Variants in BARD1 observed in about 807,000 individuals in gnomAD.
BARD1 encodes the protein BRCA1-associated RING domain protein 1.
BARD1 carries 73 observed loss-of-function variants against 77.0 expected under a neutral mutation model. The ratio of observed to expected loss-of-function variants is 0.95; its 90% confidence interval spans 0.79 to 1.15. BARD1 has a LOEUF of 1.15. Ranked by LOEUF, BARD1 falls within the 50% of genes most tolerant of loss-of-function variation. The pLI is 0.00. For synonymous variants in BARD1, 384 were observed against 338.0 expected (o/e 1.14, Z -1.49); for missense variants, 993 against 938.8 (o/e 1.06, Z -0.75).
rs201798163 is a variant in BARD1, at chr2:214,792,367, A to T, written c.294T>A (p.Asn98Lys). ...GTTGAATCATGCTGTCCAGTTGTCT[A>T]TTTATCTTCAAGTCTTGTATCCAGG... ...TPAWIQDLKI[N>K]RQLDSMIQLC... is the part of the protein sequence containing the mutation. The change falls in exon 3 of 11, where the codon AAT becomes AAA. Residue 98 changes from asparagine to lysine, a missense_variant. Transcript: ENST00000260947. 12 of 1,612,926 alleles carry T rather than the reference A, an allele frequency of 7.4e-6. No individual in the cohort carries two copies. The highest frequency in any genetic ancestry group is 7.6e-6 in the Non-Finnish European group (9 of 1,179,676).
rs544350921 is a variant in BARD1, at chr2:214,741,608, T to C, written c.1903+3459A>G. On this transcript the variant is annotated intron_variant, in intron 9 of 10. Transcript: ENST00000260947. ...GCCTGTGAGAAATTAGCACCCAGAC[T>C]AGGACTAAAGTAGAGTCTCCCTCAC... Among the ~76,000 whole-genome samples the C allele has an allele frequency of 1.1e-4, 16 of 152,298 alleles. No individual in the cohort carries two copies. In the East Asian group the frequency reaches 2.9e-3, roughly 28 times the overall value.
chr2:214,733,725 A>AATC (rs1387460706), intron 9 of BARD1, among the ~76,000 whole-genome samples: 1 of 152,186 alleles, frequency 6.6e-6, no homozygotes, highest in Non-Finnish European at 1.5e-5. Context: ...GTCAACAAGC[A>AATC]ATCCACTATC....
At chr2:214,747,950 T>C (rs1243893283) in intron 7 of BARD1, among the ~76,000 whole-genome samples, 2 of 152,128 alleles carry the variant, frequency 1.3e-5, no homozygotes, top group East Asian at 3.9e-4. Flanking sequence ...TACTCTTTGA[T>C]AATATTTAAA....
chr2:214,739,800 T>C (rs1353198441), intron 9 of BARD1, among the ~76,000 whole-genome samples: 2 of 152,166 alleles, frequency 1.3e-5, no homozygotes, highest in Non-Finnish European at 2.9e-5. Flanking sequence ...TTATTTATTT[T>C]TGACATTTTA....
chr2:214,766,990 A>C (rs74423599), intron 6 of BARD1, among the ~76,000 whole-genome samples: 2 of 152,014 alleles, frequency 1.3e-5, no homozygotes, highest in Non-Finnish European at 2.9e-5. Flanking sequence ...TCCACACTCA[A>C]GTAGACTCTG....
chr2:214,757,237 C>T (rs918480602), intron 6 of BARD1, among the ~76,000 whole-genome samples: 1 of 151,688 alleles, frequency 6.6e-6, no homozygotes, highest in Non-Finnish European at 1.5e-5. Flanking sequence ...AATTCAAAGG[C>T]TCTAATTTTT....
Position 214,781,358 on chromosome 2 carries a change from A to G in BARD1, c.516T>C (p.Asp172=). 6.2e-7 allele frequency: 1 copy of G among 1,613,752 alleles called. No individual in the cohort carries two copies. Among genetic ancestry groups the G allele is most frequent in the Non-Finnish European group, 8.5e-7 (1 of 1,179,918 alleles). ...SVQTQPAIKK[D]ASAQQDSYEF... is the part of the protein sequence containing the mutation. ...CATATGAGTCTTGCTGAGCACTTGCATCTTTTTTTATTGCAGGCTGGGTTT... is the reference window on the plus strand; with the variant it reads ...CATATGAGTCTTGCTGAGCACTTGCGTCTTTTTTTATTGCAGGCTGGGTTT... The change falls in exon 4 of 11, where the codon GAT becomes GAC. Residue 172 remains aspartate (D), a synonymous_variant. Coordinates refer to ENST00000260947, the MANE Select transcript of BARD1 (RefSeq NM_000465.4).
chr2:214,768,817 G>A (rs1260513645), intron 5 of BARD1, among the ~76,000 whole-genome samples: 5 of 152,224 alleles, frequency 3.3e-5, no homozygotes, highest in Admixed American at 6.5e-5. Context: ...TAGGGTATAA[G>A]TGAGGCTAAG....
chr2:214,756,395 G>A (rs1693694660), intron 6 of BARD1, among the ~76,000 whole-genome samples: 1 of 152,200 alleles, frequency 6.6e-6, no homozygotes, highest in Admixed American at 6.5e-5. Flanking sequence ...ATGTAAACTA[G>A]TACAACCACT....
chr2:214,770,367 G>T (rs1694424036), intron 4 of BARD1, among the ~76,000 whole-genome samples: 1 of 152,090 alleles, frequency 6.6e-6, no homozygotes. Context: ...CAGTACTCTG[G>T]AGAGCTATGC....
chr2:214,807,652 T>C (rs948124152), intron 1 of BARD1, among the ~76,000 whole-genome samples: 1 of 152,210 alleles, frequency 6.6e-6, no homozygotes, highest in African/African-American at 2.4e-5. Context: ...GTCTGGCACT[T>C]TATGGGTGCT....
rs1692180011 is a variant in BARD1, at chr2:214,728,534, A to G, written c.*142T>C. 7.5e-6 allele frequency: 5 copies of G among 668,760 alleles called. No individual in the cohort carries two copies. In the South Asian group the frequency reaches 1.0e-4, roughly 14 times the overall value. 41.4% of individuals were successfully genotyped at this position (668,760 alleles called of 1,614,324 possible). ...TAACATGAATTCCTAATCTGGCATT[A>G]GACTTTTTTTTTTTTTTTGATTCAA... On this transcript the variant is annotated 3_prime_UTR_variant, in exon 11 of 11. Coordinates refer to ENST00000260947, the MANE Select transcript of BARD1 (RefSeq NM_000465.4).
chr2:214,737,675 C>T (rs559811697), intron 9 of BARD1, among the ~76,000 whole-genome samples: 15 of 152,158 alleles, frequency 9.9e-5, no homozygotes, highest in African/African-American at 3.1e-4. Flanking sequence ...TTCAGCAATT[C>T]AAATGGTGAT....
chr2:214,751,062 C>G (rs1019476294), intron 7 of BARD1, among the ~76,000 whole-genome samples: 1 of 133,864 alleles, frequency 7.5e-6, no homozygotes, highest in African/African-American at 2.8e-5. Flanking sequence ...ACTTAGGACA[C>G]CTTTCTCTGT....
At chr2:214,776,324 G>C (rs150648246) in intron 4 of BARD1, among the ~76,000 whole-genome samples, 153 of 152,242 alleles carry the variant, frequency 1.0e-3, no homozygotes, top group African/African-American at 3.5e-3. Flanking sequence ...TATATCCTTA[G>C]TATTTTGTTT....
At chr2:214,751,946 G>C (rs147508485) in intron 7 of BARD1, among the ~76,000 whole-genome samples, 2 of 152,218 alleles carry the variant, frequency 1.3e-5, no homozygotes, top group East Asian at 3.9e-4. Context: ...GTGTCCTCCA[G>C]ATAGTCACCT....
chr2:214,730,482 C>CTTTTCTTCGTAGACAT lies in BARD1; in HGVS notation c.1914_1929dup (p.Val644MetfsTer8). 1 of 1,613,980 alleles carries CTTTTCTTCGTAGACAT rather than the reference C, an allele frequency of 6.2e-7. No homozygotes were observed. On this transcript the variant is annotated frameshift_variant, in exon 10 of 11. Transcript: ENST00000260947. LOFTEE classifies it high-confidence loss of function. The stretch of plus-strand genomic sequence containing the variant: ...TCATACTTTTCTTCCTGTTCACATA[C>CTTTTCTTCGTAGACAT]TTTTCTTCGTAGACATGCTTTTACC...
At chr2:214,781,530 G>A (rs1695037938) in intron 3 of BARD1, 21 bp from the exon 4 acceptor site, 1 of 1,592,442 alleles carries the variant, frequency 6.3e-7, no homozygotes, top group African/African-American at 1.3e-5. Context: ...AAAAGAAAAA[G>A]AAATCTGTTA....
At chr2:214,731,874 T>A (rs567376031) in intron 9 of BARD1, among the ~76,000 whole-genome samples, 8 of 152,286 alleles carry the variant, frequency 5.3e-5, no homozygotes, top group Admixed American at 1.3e-4. Flanking sequence ...GTTGTTAACA[T>A]AAAGGAACAA....
Sources: gnomAD v4.1 joint callset for allele counts (sites outside exome capture counted in the v4.1 genomes callset) on GRCh38, gnomAD v4.1.1 for gene constraint, MANE v1.5 for transcripts, NCBI Gene and HGNC (gene_info 2026-07-23, HGNC 2026-07-21) for gene names.